Variants in RPS6KC1 observed in about 807,000 individuals in gnomAD.
RPS6KC1 encodes the protein ribosomal protein S6 kinase C1.
Under a neutral mutation model 103.8 loss-of-function variants are expected in RPS6KC1, and 54 were observed. That is an observed-to-expected ratio of 0.52 (90% CI 0.42 to 0.65). The LOEUF (loss-of-function observed/expected upper bound fraction) is 0.65. RPS6KC1 is among the 30% of genes least tolerant of loss of function. The probability of loss-of-function intolerance (pLI) is 0.00; values close to 1 mark genes in which losing one functional copy is unlikely to be tolerated. For missense variants in RPS6KC1, 1,151 were observed against 1,253.8 expected (o/e 0.92, Z 1.24); for synonymous variants, 439 against 438.7 (o/e 1.00, Z -0.01).
the RPS6KC1 span, among the ~76,000 whole-genome samples, chr1:213,854,562 T>TC: frequency 1.6e-5 from 2 of 122,550 alleles, no homozygotes; most frequent in African/African-American, 7.0e-5. Context: ...CTTTCTTTCT[T>TC]TCTCTCTCTC....
chr1:213,376,377 TTAGA>T, the RPS6KC1 span, among the ~76,000 whole-genome samples: 1 of 152,174 alleles, frequency 6.6e-6, no homozygotes, highest in African/African-American at 2.4e-5. Context: ...TTCCCAGTTG[TTAGA>T]TATTTAGGTT....
At position 213,083,919 on chromosome 1, in the gene RPS6KC1, C is replaced by G. The variant is rs570953136; in HGVS notation, c.262+6103C>G. 2.6e-5 allele frequency among the ~76,000 whole-genome samples: 4 copies of G among 152,284 alleles called. No individual in the cohort carries two copies. In the South Asian group the frequency reaches 8.3e-4, roughly 32 times the overall value. ...TGTGCTCATGCTCCCACCTCCCCTC[C>G]ATGTGTCGTTACATGTTTTGGGGAA... On this transcript the variant is annotated intron_variant, in intron 3 of 14. Coordinates refer to ENST00000366960, the MANE Select transcript of RPS6KC1 (RefSeq NM_012424.6).
At chr1:213,107,400 C>A (rs953710140) in intron 4 of RPS6KC1, among the ~76,000 whole-genome samples, 1 of 152,138 alleles carries the variant, frequency 6.6e-6, no homozygotes, top group Admixed American at 6.5e-5. Flanking sequence ...ATATATGTAG[C>A]GTTTTGTTCA....
chr1:213,540,027 C>T, the RPS6KC1 span, among the ~76,000 whole-genome samples: 3 of 152,328 alleles, frequency 2.0e-5, no homozygotes, highest in African/African-American at 7.2e-5. Context: ...TCATAATATT[C>T]TTCCTGCTGG....
intron 4 of RPS6KC1, among the ~76,000 whole-genome samples, chr1:213,115,764 T>C (rs1023299582): frequency 3.9e-5 from 6 of 152,030 alleles, no homozygotes; most frequent in African/African-American, 9.7e-5. Flanking sequence ...TCTTTGTTCT[T>C]GTTGGTTTCA....
chr1:213,683,594 G>A, the RPS6KC1 span, among the ~76,000 whole-genome samples: 2 of 152,144 alleles, frequency 1.3e-5, no homozygotes, highest in Non-Finnish European at 2.9e-5. Flanking sequence ...GCTTGGAAGG[G>A]CCCAACAAAC....
At chr1:213,387,663 C>A in the RPS6KC1 span, among the ~76,000 whole-genome samples, 1 of 152,154 alleles carries the variant, frequency 6.6e-6, no homozygotes, top group Non-Finnish European at 1.5e-5. Flanking sequence ...ACTTTCTGTA[C>A]CTTGGGTGTT....
the RPS6KC1 span, among the ~76,000 whole-genome samples, chr1:213,335,053 A>AT: frequency 6.6e-6 from 1 of 152,192 alleles, no homozygotes; most frequent in African/African-American, 2.4e-5. Context: ...ACCTCTCCCC[A>AT]TAATAATCCT....
chr1:213,684,775 T>C, the RPS6KC1 span, among the ~76,000 whole-genome samples: 12 of 152,362 alleles, frequency 7.9e-5, no homozygotes, highest in East Asian at 2.3e-3. Context: ...GGAAAGAGAC[T>C]CTTTCTGTTG....
chr1:213,446,758 C>T, the RPS6KC1 span, among the ~76,000 whole-genome samples: 4 of 152,258 alleles, frequency 2.6e-5, no homozygotes, highest in African/African-American at 9.6e-5. Flanking sequence ...AGCACTGATT[C>T]GTTATTACTA....
the RPS6KC1 span, among the ~76,000 whole-genome samples, chr1:213,662,222 C>G: frequency 1.7e-5 from 1 of 59,440 alleles, no homozygotes; most frequent in African/African-American, 7.4e-5. Context: ...GCCTGTGTGC[C>G]TAGAAAAAAA....
the RPS6KC1 span, among the ~76,000 whole-genome samples, chr1:213,769,361 C>A: frequency 6.6e-6 from 1 of 152,082 alleles, no homozygotes; most frequent in African/African-American, 2.4e-5. Context: ...TGGGAGGAGA[C>A]CCAGGAATCT....
rs1374369125 is a variant in RPS6KC1 at position 213,151,906 on chromosome 1, G to A, written c.836-15952G>A. On this transcript the variant is annotated intron_variant, in intron 6 of 14. Transcript: ENST00000366960. ...GATCCCCCAACCTCCCTCCAAGACG[G>A]GGCGGCTGGCCGGGCGGGGGGCTGA... Among the ~76,000 whole-genome samples the A allele has an allele frequency of 3.2e-5, 4 of 125,792 alleles. No individual in the cohort carries two copies. The East Asian group carries it at 1.0e-3, about 32-fold the overall frequency. 82.5% of individuals were successfully genotyped at this position (125,792 alleles called of 152,430 possible). A position where few individuals can be genotyped will look rare whatever the true frequency, so the allele number is the denominator to read the frequency against.
At chr1:213,401,216 G>C in the RPS6KC1 span, among the ~76,000 whole-genome samples, 1 of 152,038 alleles carries the variant, frequency 6.6e-6, no homozygotes, top group Admixed American at 6.6e-5. Flanking sequence ...GCACGTGCTG[G>C]GTACGTTGAC....
At chr1:213,484,932 G>A in the RPS6KC1 span, among the ~76,000 whole-genome samples, 1 of 152,070 alleles carries the variant, frequency 6.6e-6, no homozygotes. Context: ...GCCCAATCTT[G>A]GCTCACTGCA....
At chr1:213,219,643 A>C (rs969037864) in intron 8 of RPS6KC1, among the ~76,000 whole-genome samples, 4 of 152,212 alleles carry the variant, frequency 2.6e-5, no homozygotes, top group African/African-American at 7.2e-5. Context: ...GATTAAGAAA[A>C]TGTGGCACAT....
At chr1:213,080,804 A>G (rs1436454428) in intron 3 of RPS6KC1, among the ~76,000 whole-genome samples, 4 of 152,302 alleles carry the variant, frequency 2.6e-5, no homozygotes, top group East Asian at 1.9e-4. Flanking sequence ...TGCTCAGGCA[A>G]TCCTCCTGCC....
chr1:213,071,031 A>G lies in RPS6KC1; in HGVS notation c.131A>G (p.Asp44Gly). Residue 44 changes from aspartate (D) to glycine (G), a missense_variant, in exon 2 of 15, where the codon GAT becomes GGT. Transcript: ENST00000366960. ...GTTGTTTCACGAAGAAATCCAGAGGATGTCCAGGAGGTAACATTTATATGA... is the reference window on the plus strand; with the variant it reads ...GTTGTTTCACGAAGAAATCCAGAGGGTGTCCAGGAGGTAACATTTATATGA... ...ARVVSRRNPE[D>G]VQEIIVWKRY... is the part of the protein sequence containing the mutation. 2.6e-6 allele frequency: 4 copies of G among 1,543,718 alleles called. No individual in the cohort carries two copies. The highest frequency in any genetic ancestry group is 1.8e-6 in the Non-Finnish European group (2 of 1,134,402).
At chr1:213,654,977 C>G in the RPS6KC1 span, among the ~76,000 whole-genome samples, 3 of 152,280 alleles carry the variant, frequency 2.0e-5, no homozygotes, top group Admixed American at 2.0e-4. Context: ...ACTAACTGCC[C>G]AAGTGTCCCA....
Sources: allele counts gnomAD v4.1 joint callset (sites outside exome capture counted in the v4.1 genomes callset), GRCh38; gene constraint gnomAD v4.1.1; transcripts MANE v1.5; gene names NCBI Gene and HGNC (gene_info 2026-07-23, HGNC 2026-07-21).